Variants in ERBB4 observed in about 807,000 individuals in gnomAD.
ERBB4 encodes receptor tyrosine-protein kinase erbB-4.
A neutral mutation model predicts 158.0 loss-of-function variants in ERBB4; 42 were observed. That is an observed-to-expected ratio of 0.27 (90% CI 0.21 to 0.34). The LOEUF (loss-of-function observed/expected upper bound fraction) is 0.34. Ranked by LOEUF, ERBB4 falls within the 10% of genes least tolerant of loss-of-function variation. The probability of loss-of-function intolerance (pLI) is 1.00; values close to 1 mark genes in which losing one functional copy is unlikely to be tolerated. For synonymous variants in ERBB4, 583 were observed against 558.7 expected (o/e 1.04, Z -0.61); for missense variants, 1,333 against 1,624.1 (o/e 0.82, Z 3.08).
intron 3 of ERBB4, among the ~76,000 whole-genome samples, chr2:211,815,508 AAGG>A (rs1307270290): frequency 6.6e-6 from 1 of 152,188 alleles, no homozygotes; most frequent in Non-Finnish European, 1.5e-5. Flanking sequence ...ACAAAATAAA[AAGG>A]AGATTTTTTT....
chr2:212,134,588 T>A (rs1475315697), intron 1 of ERBB4, among the ~76,000 whole-genome samples: 2 of 152,054 alleles, frequency 1.3e-5, no homozygotes, highest in Non-Finnish European at 2.9e-5. Flanking sequence ...AATCCTATTA[T>A]GTATTATCTG....
intron 22 of ERBB4, among the ~76,000 whole-genome samples, chr2:211,426,512 C>A (rs1559156160): frequency 6.6e-6 from 1 of 152,060 alleles, no homozygotes. Flanking sequence ...CAGAGTACTA[C>A]CTATCTATTT....
intron 1 of ERBB4, among the ~76,000 whole-genome samples, chr2:212,193,777 C>A (rs145223444): frequency 0.011 from 1,717 of 152,054 alleles, 23 homozygotes; most frequent in South Asian, 0.019. Flanking sequence ...ATAAAATCAC[C>A]TACCTAGGGA....
rs71397161 is a variant in ERBB4, at chr2:212,147,157, ATTTT to A, written c.83-22258_83-22255del. Among the ~76,000 whole-genome samples, 15 of 34,258 alleles carry A rather than the reference ATTTT, an allele frequency of 4.4e-4. No individual in the cohort carries two copies. In the South Asian group the frequency reaches 4.6e-3, roughly 10 times the overall value. The allele number at this position is 34,258 out of a possible 152,430, so 22.5% of individuals were successfully genotyped here. On this transcript the variant is annotated intron_variant, in intron 1 of 27. Coordinates refer to ENST00000342788, the MANE Select transcript of ERBB4 (RefSeq NM_005235.3). ...AGGGGCATGCCACCATGCCCAGCTA[ATTTT>A]TTTTTTTTTTTTTTTTTTTTTTTTT...
At chr2:211,757,607 G>A (rs761252430) in intron 4 of ERBB4, among the ~76,000 whole-genome samples, 11 of 152,106 alleles carry the variant, frequency 7.2e-5, no homozygotes, top group South Asian at 2.1e-4. Flanking sequence ...TGTCTGCAGC[G>A]CTTCCATCTA....
chr2:211,777,574 C>T (rs528456432), intron 4 of ERBB4: 33 of 152,236 alleles, frequency 2.2e-4, no homozygotes, highest in African/African-American at 6.5e-4. Flanking sequence ...ACTATCCCTA[C>T]GAGGTTTACC....
chr2:212,131,757 T>C (rs1018331630), intron 1 of ERBB4, among the ~76,000 whole-genome samples: 3 of 152,168 alleles, frequency 2.0e-5, no homozygotes, highest in African/African-American at 7.2e-5. Flanking sequence ...TGAAATTCAA[T>C]GGAAAACTAC....
chr2:211,673,285 G>A (rs754998333), intron 13 of ERBB4, 28 bp from the exon 14 acceptor site: 1 of 1,526,696 alleles, frequency 6.6e-7, no homozygotes, highest in Non-Finnish European at 9.1e-7. Context: ...ACATGAGGAG[G>A]TGTAAGCAAA....
chr2:212,382,970 A>AT (rs928164358), intron 1 of ERBB4, among the ~76,000 whole-genome samples: 9 of 148,908 alleles, frequency 6.0e-5, no homozygotes, highest in Non-Finnish European at 1.2e-4. Flanking sequence ...AACAAGTGGC[A>AT]TTTTTTTTTC....
chr2:211,535,948 A>G (rs1372199066), intron 20 of ERBB4, among the ~76,000 whole-genome samples: 1 of 149,804 alleles, frequency 6.7e-6, no homozygotes, highest in Non-Finnish European at 1.5e-5. Flanking sequence ...AGGCCTACAC[A>G]TGTTCTTGAA....
intron 1 of ERBB4, among the ~76,000 whole-genome samples, chr2:212,143,029 T>C (rs1042408158): frequency 1.3e-5 from 2 of 152,238 alleles, no homozygotes; most frequent in Non-Finnish European, 2.9e-5. Flanking sequence ...GCATGTGTCA[T>C]ATGTATACAG....
intron 2 of ERBB4, among the ~76,000 whole-genome samples, chr2:212,023,350 G>A (rs1379083358): frequency 6.6e-6 from 1 of 151,758 alleles, no homozygotes; most frequent in Non-Finnish European, 1.5e-5. Context: ...TTCTGAACTG[G>A]GTATTACATG....
chr2:212,450,800 A>G (rs1190679941), intron 1 of ERBB4, among the ~76,000 whole-genome samples: 1 of 149,280 alleles, frequency 6.7e-6, no homozygotes, highest in Non-Finnish European at 1.5e-5. Context: ...TACAGATTTA[A>G]TGCAGGAAGA....
At chr2:212,000,943 AAG>A (rs1459712480) in intron 2 of ERBB4, among the ~76,000 whole-genome samples, 4 of 151,990 alleles carry the variant, frequency 2.6e-5, no homozygotes, top group African/African-American at 9.7e-5. Flanking sequence ...ACATTTAAGA[AAG>A]AGAGAACATT....
chr2:211,386,947 A>G lies in ERBB4; in HGVS notation c.3387T>C (p.Ser1129=). The part of the protein sequence containing the change: ...VQEDSSTQRY[S]ADPTVFAPER... ...CTGGGGCAAACACGGTGGGGTCAGCACTGTACCTCTGGGTGCTACTGTCCT... is the reference window on the plus strand; with the variant it reads ...CTGGGGCAAACACGGTGGGGTCAGCGCTGTACCTCTGGGTGCTACTGTCCT... The change falls in exon 27 of 28, where the codon AGT becomes AGC. Residue 1129 remains serine (S), a synonymous_variant. Coordinates refer to ENST00000342788, the MANE Select transcript of ERBB4 (RefSeq NM_005235.3). 2 of 1,614,128 alleles carry G rather than the reference A, an allele frequency of 1.2e-6. No homozygotes were observed. The highest frequency in any genetic ancestry group is 1.7e-5 in the Admixed American group (1 of 60,002).
intron 1 of ERBB4, among the ~76,000 whole-genome samples, chr2:212,373,762 C>CATGTAT (rs2090169219): frequency 8.1e-6 from 1 of 122,910 alleles, no homozygotes; most frequent in African/African-American, 3.0e-5. Flanking sequence ...TGTATATATC[C>CATGTAT]ACGTATATAT....
chr2:211,860,364 G>A (rs2077980437), intron 3 of ERBB4, among the ~76,000 whole-genome samples: 1 of 152,092 alleles, frequency 6.6e-6, no homozygotes, highest in Non-Finnish European at 1.5e-5. Flanking sequence ...CTCTTAAATT[G>A]CTGCTTTCTT....
intron 25 of ERBB4, among the ~76,000 whole-genome samples, chr2:211,409,984 T>TTCAC (rs1389385203): frequency 6.6e-6 from 1 of 152,164 alleles, no homozygotes; most frequent in East Asian, 1.9e-4. Flanking sequence ...AGCAAGTCAC[T>TTCAC]TCACTCAGAG....
chr2:211,983,672 C>T (rs886964422), intron 2 of ERBB4, among the ~76,000 whole-genome samples: 1 of 152,110 alleles, frequency 6.6e-6, no homozygotes, highest in Non-Finnish European at 1.5e-5. Flanking sequence ...AAAACACTGA[C>T]ATTTGGTTTA....
Sources: allele counts gnomAD v4.1 joint callset (sites outside exome capture counted in the v4.1 genomes callset), GRCh38; gene constraint gnomAD v4.1.1; transcripts MANE v1.5; gene names NCBI Gene and HGNC (gene_info 2026-07-23, HGNC 2026-07-21).